PHACTR1: variants seen among roughly 807,000 people sequenced by gnomAD.
PHACTR1 encodes the protein phosphatase and actin regulator 1, also known as RPEL repeat containing 1.
Under a neutral mutation model 69.2 loss-of-function variants are expected in PHACTR1, and 16 were observed. The observed-to-expected ratio is 0.23, with a 90% CI of 0.16 to 0.35. The LOEUF is 0.35. PHACTR1 is among the 10% of genes least tolerant of loss of function. The probability of loss-of-function intolerance (pLI) is 1.00; values close to 1 mark genes in which losing one functional copy is unlikely to be tolerated. For synonymous variants in PHACTR1, 312 were observed against 284.5 expected (o/e 1.10, Z -0.97); for missense variants, 510 against 734.7 (o/e 0.69, Z 3.54).
chr6:12,739,443 C>G (rs1298570330), intron 3 of PHACTR1, among the ~76,000 whole-genome samples: 1 of 152,086 alleles, frequency 6.6e-6, no homozygotes, highest in Non-Finnish European at 1.5e-5. Flanking sequence ...TTTATTAATA[C>G]TGTGGTTTTC....
chr6:12,744,280 T>C (rs1359123683), intron 3 of PHACTR1, among the ~76,000 whole-genome samples: 1 of 152,190 alleles, frequency 6.6e-6, no homozygotes. Context: ...GTTTCTCCAA[T>C]TGTGTCCTGT....
intron 10 of PHACTR1, among the ~76,000 whole-genome samples, chr6:13,261,024 C>T (rs393032): frequency 0.15 from 22,480 of 152,132 alleles, 2,158 homozygotes; most frequent in Admixed American, 0.26. Flanking sequence ...CGGATGCCAA[C>T]AGCACCCTCT....
intron 4 of PHACTR1, among the ~76,000 whole-genome samples, chr6:12,980,423 C>T (rs1795375943): frequency 6.6e-6 from 1 of 152,062 alleles, no homozygotes; most frequent in Admixed American, 6.6e-5. Context: ...CAGGATCTGG[C>T]GTGTCAAGCA....
chr6:12,811,930 TG>T (rs1216335115), intron 4 of PHACTR1, among the ~76,000 whole-genome samples: 1 of 152,040 alleles, frequency 6.6e-6, no homozygotes. Context: ...TTGTTTTTTC[TG>T]AAAGAAGAAG....
chr6:13,069,255 G>A (rs933031648), intron 5 of PHACTR1, among the ~76,000 whole-genome samples: 1 of 152,104 alleles, frequency 6.6e-6, no homozygotes, highest in Admixed American at 6.5e-5. Context: ...CCCAGTCCTC[G>A]CACTGTTTCT....
At chr6:13,044,640 C>G (rs1010779553) in intron 4 of PHACTR1, among the ~76,000 whole-genome samples, 1 of 152,142 alleles carries the variant, frequency 6.6e-6, no homozygotes, top group Non-Finnish European at 1.5e-5. Context: ...AATGAGGAAG[C>G]CCTTGCCACC....
At chr6:12,957,793 C>G (rs912374814) in intron 4 of PHACTR1, 5 of 985,428 alleles carry the variant, frequency 5.1e-6, no homozygotes, top group Non-Finnish European at 6.0e-6. Flanking sequence ...ACACCCTCCC[C>G]TTCTCCATTC....
chr6:12,797,804 A>G (rs907790916), intron 4 of PHACTR1, among the ~76,000 whole-genome samples: 1 of 152,198 alleles, frequency 6.6e-6, no homozygotes, highest in African/African-American at 2.4e-5. Context: ...TCTACATAGA[A>G]CACTTCTTCC....
At chr6:13,025,033 A>G (rs1354712242) in intron 4 of PHACTR1, among the ~76,000 whole-genome samples, 1 of 152,288 alleles carries the variant, frequency 6.6e-6, no homozygotes, top group African/African-American at 2.4e-5. Context: ...AAGCTGGTAG[A>G]CTGCTTGAGC....
intron 10 of PHACTR1, among the ~76,000 whole-genome samples, chr6:13,257,289 T>G (rs1286468532): frequency 6.6e-6 from 1 of 152,180 alleles, no homozygotes; most frequent in Non-Finnish European, 1.5e-5. Context: ...AAACCATTCA[T>G]GAGAAACCAC....
chr6:13,046,275 C>T (rs1805018624), intron 4 of PHACTR1, among the ~76,000 whole-genome samples: 1 of 152,158 alleles, frequency 6.6e-6, no homozygotes, highest in Non-Finnish European at 1.5e-5. Context: ...CTCCTCCTAC[C>T]CATCCCCACC....
At chr6:13,183,467 C>G (rs1302380017) in intron 7 of PHACTR1, among the ~76,000 whole-genome samples, 1 of 152,134 alleles carries the variant, frequency 6.6e-6, no homozygotes, top group Non-Finnish European at 1.5e-5. Context: ...TGAGGTTTCA[C>G]AGGGTTAATT....
intron 7 of PHACTR1, among the ~76,000 whole-genome samples, chr6:13,194,177 G>T (rs1031555073): frequency 2.0e-5 from 3 of 152,110 alleles, no homozygotes; most frequent in Non-Finnish European, 4.4e-5. Context: ...GGCCAAGGTG[G>T]GCAGATCACG....
At position 13,179,376 on chromosome 6, in the gene PHACTR1, G is replaced by A. The variant is rs532499523; in HGVS notation, c.497-3143G>A. ...CAGATAATTCCTTAGCTTAATGATG[G>A]GTATATACAGCCCATTACATTAATG... On this transcript the variant is annotated intron_variant, in intron 6 of 14. Coordinates refer to ENST00000332995, the MANE Select transcript of PHACTR1 (RefSeq NM_030948.6). This position sits in a 1 kb window ranked among gnomAD's most constrained non-coding sequence, Gnocchi z 4.2. Among the ~76,000 whole-genome samples the A allele has an allele frequency of 6.7e-6, 1 of 148,218 alleles. No homozygotes were observed. Among genetic ancestry groups the A allele is most frequent in the Non-Finnish European group, 1.5e-5 (1 of 67,356 alleles).
At chr6:12,825,089 G>C (rs2127717961) in intron 4 of PHACTR1, among the ~76,000 whole-genome samples, 1 of 152,126 alleles carries the variant, frequency 6.6e-6, no homozygotes, top group Non-Finnish European at 1.5e-5. Flanking sequence ...GACCAGCCTG[G>C]GCAACATAGC....
chr6:13,268,497 TAAGATA>T (rs1464304716), intron 10 of PHACTR1, among the ~76,000 whole-genome samples: 2 of 152,242 alleles, frequency 1.3e-5, no homozygotes, highest in Non-Finnish European at 2.9e-5. Context: ...TTAAAAATCT[TAAGATA>T]AAGATTAAAT....
chr6:13,042,014 A>G (rs1246902757), intron 4 of PHACTR1, among the ~76,000 whole-genome samples: 1 of 152,232 alleles, frequency 6.6e-6, no homozygotes, highest in Non-Finnish European at 1.5e-5. Flanking sequence ...GTGTCCCACA[A>G]AAAAACACTA....
At chr6:12,791,071 A>G (rs779596274) in intron 4 of PHACTR1, among the ~76,000 whole-genome samples, 1 of 152,230 alleles carries the variant, frequency 6.6e-6, no homozygotes, top group Non-Finnish European at 1.5e-5. Flanking sequence ...GCATTGGGAT[A>G]CACAGGGGAG....
intron 4 of PHACTR1, among the ~76,000 whole-genome samples, chr6:12,884,066 C>T (rs1388792205): frequency 1.4e-5 from 2 of 147,072 alleles, no homozygotes; most frequent in South Asian, 2.2e-4. Context: ...ACACATGTAC[C>T]CACATACACA....
Sources: allele counts gnomAD v4.1 joint callset (sites outside exome capture counted in the v4.1 genomes callset), GRCh38; gene constraint gnomAD v4.1.1; non-coding constraint Gnocchi (gnomAD v3.1); transcripts MANE v1.5; gene names NCBI Gene and HGNC (gene_info 2026-07-23, HGNC 2026-07-21).